BPTF: variants seen among roughly 807,000 people sequenced by gnomAD.
BPTF encodes the protein bromodomain PHD finger transcription factor.
BPTF carries 18 observed loss-of-function variants against 292.5 expected under a neutral mutation model. That is an observed-to-expected ratio of 0.06 (90% CI 0.04 to 0.09). The LOEUF is 0.09. Ranked by LOEUF, BPTF falls within the 10% of genes least tolerant of loss-of-function variation. The probability of loss-of-function intolerance (pLI) is 1.00; values close to 1 mark genes in which losing one functional copy is unlikely to be tolerated. For synonymous variants in BPTF, 1,225 were observed against 1,251.9 expected (o/e 0.98, Z 0.45); for missense variants, 2,726 against 3,498.7 (o/e 0.78, Z 5.57).
At chr17:67,951,192 C>A (rs1274850642) in intron 23 of BPTF, 1 of 150,606 alleles carries the variant, frequency 6.6e-6, no homozygotes, top group Admixed American at 6.6e-5. Flanking sequence ...TAACCTTCAG[C>A]CTCTCTCTCT....
intron 26 of BPTF, among the ~76,000 whole-genome samples, chr17:67,969,641 T>C (rs1555689723): frequency 6.6e-6 from 1 of 152,068 alleles, no homozygotes; most frequent in Non-Finnish European, 1.5e-5. Context: ...CCAAAATTAT[T>C]TTCTTGAAGA....
At chr17:67,948,330 C>T (rs1160012351) in intron 23 of BPTF, 24 bp downstream of exon 23, 1 of 1,584,018 alleles carries the variant, frequency 6.3e-7, no homozygotes, top group Non-Finnish European at 8.6e-7. Flanking sequence ...TCCTTTTCTT[C>T]TGTGTCCAGT....
At position 67,977,095 on chromosome 17, in the gene BPTF, A is replaced by G. The variant is rs529965407; in HGVS notation, c.8726+1137A>G. 3.3e-5 allele frequency among the ~76,000 whole-genome samples: 5 copies of G among 152,322 alleles called. No homozygotes were observed. In the East Asian group the frequency reaches 9.6e-4, roughly 29 times the overall value. On this transcript the variant is annotated intron_variant, in intron 27 of 27. Coordinates refer to ENST00000306378, the MANE Select transcript of BPTF (RefSeq NM_182641.4). ...GAAGATTATGGAAGAATAAATCTAA[A>G]AGTTTAAGAAAAAATGATTGTCAGC...
chr17:67,948,232 C>G lies in BPTF; in HGVS notation c.7852C>G (p.His2618Asp). Residue 2618 changes from histidine (H) to aspartate (D), a missense_variant, in exon 23 of 28, where the codon CAC becomes GAC. This residue lies in a region of BPTF where 148 missense variants were observed against 145.5 expected (regional missense o/e 1.02). Coordinates refer to ENST00000306378, the MANE Select transcript of BPTF (RefSeq NM_182641.4). The part of the protein sequence containing the change: ...ATKLSALLFK[H>D]KEQLRAEILK... ...TAAGCTGTCAGCTCTGCTCTTCAAG[C>G]ACAAAGAGCAGCTCAGAGCCGAGAT... 1 of 1,614,126 alleles carries G rather than the reference C, an allele frequency of 6.2e-7. No individual in the cohort carries two copies.
chr17:67,881,802 G>A (rs1234527468), intron 4 of BPTF, among the ~76,000 whole-genome samples: 2 of 147,526 alleles, frequency 1.4e-5, no homozygotes, highest in Non-Finnish European at 3.0e-5. Context: ...ACCTGGCCCA[G>A]AATCAGTTAT....
At chr17:67,858,792 T>G (rs1016361815) in intron 2 of BPTF, among the ~76,000 whole-genome samples, 1 of 152,212 alleles carries the variant, frequency 6.6e-6, no homozygotes, top group East Asian at 1.9e-4. Flanking sequence ...CTCCCATTCC[T>G]GTGCCTTCCT....
chr17:67,892,834 T>G (rs901163213), intron 5 of BPTF, among the ~76,000 whole-genome samples: 1 of 152,184 alleles, frequency 6.6e-6, no homozygotes, highest in Non-Finnish European at 1.5e-5. Context: ...TTTTATTTTT[T>G]AAAAAAGCTG....
intron 3 of BPTF, among the ~76,000 whole-genome samples, chr17:67,874,359 A>C (rs2059931926): frequency 6.6e-6 from 1 of 152,142 alleles, no homozygotes; most frequent in African/African-American, 2.4e-5. Context: ...TGAGGAAATG[A>C]TGGCCTGGAG....
intron 4 of BPTF, among the ~76,000 whole-genome samples, chr17:67,886,933 G>T (rs1024563048): frequency 4.6e-5 from 7 of 152,070 alleles, no homozygotes; most frequent in African/African-American, 7.2e-5. Flanking sequence ...TACAAATAGT[G>T]GTGCTTTTGA....
At chr17:67,968,794 AAAAAG>A (rs1157839915) in intron 26 of BPTF, among the ~76,000 whole-genome samples, 1 of 150,286 alleles carries the variant, frequency 6.7e-6, no homozygotes, top group Non-Finnish European at 1.5e-5. Flanking sequence ...CTCAAAAAAA[AAAAAG>A]AAAGAAAATT....
At chr17:67,868,765 C>T (rs902037053) in intron 3 of BPTF, among the ~76,000 whole-genome samples, 34 of 152,288 alleles carry the variant, frequency 2.2e-4, no homozygotes, top group African/African-American at 7.7e-4. Flanking sequence ...ACCCGGATAG[C>T]TGTATCCAAC....
intron 24 of BPTF, chr17:67,963,432 T>C (rs2067704446): frequency 1.3e-6 from 2 of 1,536,232 alleles, no homozygotes; most frequent in Non-Finnish European, 1.7e-6. Flanking sequence ...ACATCTGTAA[T>C]GATTGTAAAC....
At chr17:67,871,837 T>A (rs1363444565) in intron 3 of BPTF, among the ~76,000 whole-genome samples, 1 of 152,154 alleles carries the variant, frequency 6.6e-6, no homozygotes, top group Non-Finnish European at 1.5e-5. Context: ...TTTGTTTTTG[T>A]TTTTTTGAGA....
At chr17:67,883,065 C>A (rs914277506) in intron 4 of BPTF, among the ~76,000 whole-genome samples, 34 of 151,336 alleles carry the variant, frequency 2.2e-4, no homozygotes, top group African/African-American at 8.3e-4. Context: ...CCTATAATCC[C>A]AGCGCTTTGG....
chr17:67,881,494 T>TG (rs201859733), intron 4 of BPTF, among the ~76,000 whole-genome samples: 6 of 430 alleles, frequency 0.014, no homozygotes, highest in South Asian at 0.1. Flanking sequence ...AATCAAGGTT[T>TG]TTTTTTTTTT....
chr17:67,897,781 A>G (rs2146451892), intron 7 of BPTF, among the ~76,000 whole-genome samples: 1 of 152,338 alleles, frequency 6.6e-6, no homozygotes, highest in South Asian at 2.1e-4. Context: ...TTCTATTTAA[A>G]CTTTTCTACC....
At chr17:67,939,933 G>A (rs1393107223) in intron 18 of BPTF, among the ~76,000 whole-genome samples, 1 of 152,190 alleles carries the variant, frequency 6.6e-6, no homozygotes, top group African/African-American at 2.4e-5. Context: ...AGGATATAGT[G>A]GTCCTTGCCT....
intron 2 of BPTF, among the ~76,000 whole-genome samples, chr17:67,857,148 ATTTTT>A (rs35727338): frequency 3.6e-4 from 35 of 97,586 alleles, no homozygotes; most frequent in East Asian, 8.4e-4. Flanking sequence ...GTCTTTAACA[ATTTTT>A]TTTTTTTTTT....
chr17:67,826,075 C>G lies in BPTF; in HGVS notation c.351C>G (p.Ala117=). ...GGGHLARTTA[A]RRAVNKVVYD... ...GCCACCTGGCCCGGACCACCGCGGC[C>G]CGGAGGGCCGTCAACAAAGTGGTGT... The change falls in exon 1 of 28, where the codon GCC becomes GCG. Residue 117 remains alanine (A), a synonymous_variant. Transcript: ENST00000306378. 1 of 1,292,950 alleles carries G rather than the reference C, an allele frequency of 7.7e-7. No individual in the cohort carries two copies. Among genetic ancestry groups the G allele is most frequent in the Non-Finnish European group, 1.1e-6 (1 of 951,176 alleles). 80.1% of individuals were successfully genotyped at this position (1,292,950 alleles called of 1,614,324 possible).
Sources: gnomAD v4.1 joint callset for allele counts (sites outside exome capture counted in the v4.1 genomes callset) on GRCh38, gnomAD v4.1.1 for gene constraint, gnomAD v4.1.1 regional missense constraint, MANE v1.5 for transcripts, NCBI Gene and HGNC (gene_info 2026-07-23, HGNC 2026-07-21) for gene names.